The following NEMP2 variants were observed in gnomAD, a reference collection of about 807,000 sequenced individuals.
NEMP2 encodes nuclear envelope integral membrane protein 2.
NEMP2 carries 53 observed loss-of-function variants against 54.2 expected under a neutral mutation model. The observed-to-expected ratio is 0.98, with a 90% CI of 0.78 to 1.23. The LOEUF (loss-of-function observed/expected upper bound fraction) is 1.23. Among genes scored for constraint, NEMP2 ranks in the 50% most tolerant of loss-of-function variants. NEMP2 has a pLI of 0.00. For synonymous variants in NEMP2, 197 were observed against 190.3 expected, an observed-to-expected ratio of 1.04 and a Z score of -0.29; for missense variants, 455 against 511.3, an observed-to-expected ratio of 0.89 and a Z score of 1.06.
At chr2:190,474,488 CACAA>C in the NEMP2 span, among the ~76,000 whole-genome samples, 399 of 152,316 alleles carry the variant, frequency 2.6e-3, no homozygotes, top group Non-Finnish European at 4.8e-3. Context: ...AATTCCTTGA[CACAA>C]ACAACCTCCC....
At chr2:190,569,555 C>G in the NEMP2 span, among the ~76,000 whole-genome samples, 5,861 of 152,260 alleles carry the variant, frequency 0.038, 174 homozygotes, top group Non-Finnish European at 0.064. Flanking sequence ...CATTTGGAAG[C>G]TCTTGGTAGA....
At chr2:190,593,743 T>C in the NEMP2 span, among the ~76,000 whole-genome samples, 133 of 152,282 alleles carry the variant, frequency 8.7e-4, no homozygotes, top group African/African-American at 3.0e-3. This position sits in a 1 kb window ranked among gnomAD's most constrained non-coding sequence, Gnocchi z 4.5. Flanking sequence ...TAATGGAAGA[T>C]TGGAACTTCC....
At chr2:190,453,055 T>C in the NEMP2 span, among the ~76,000 whole-genome samples, 1 of 152,150 alleles carries the variant, frequency 6.6e-6, no homozygotes, top group Non-Finnish European at 1.5e-5. Context: ...GGAGCTCATG[T>C]TCTGTTGGAG....
the NEMP2 span, among the ~76,000 whole-genome samples, chr2:190,565,173 C>A: frequency 6.6e-6 from 1 of 151,544 alleles, no homozygotes; most frequent in African/African-American, 2.4e-5. Context: ...TTTTTTTAAT[C>A]AAGAGACACC....
rs934165170 is a variant in NEMP2 at position 190,514,626 on chromosome 2, C to T, written c.780G>A (p.Gly260=). The T allele has an allele frequency of 6.4e-7, 1 of 1,551,634 alleles. No homozygotes were observed. The highest frequency in any genetic ancestry group is 8.7e-7 in the Non-Finnish European group (1 of 1,146,982). The change falls in exon 7 of 9, where the codon GGG becomes GGA. Residue 260 remains glycine, a synonymous_variant. Transcript: ENST00000409150. This position sits in a 1 kb window ranked among gnomAD's most constrained non-coding sequence, Gnocchi z 5.7. ...FFSFVVCYKH[G]PLADDRSRSL... Reference sequence around the variant, plus strand: ...TTCTGCTCCTGTCGTCTGCAAGGGGCCCATGCTTGTAACAAACAACAAAGC... The same window carrying T: ...TTCTGCTCCTGTCGTCTGCAAGGGGTCCATGCTTGTAACAAACAACAAAGC...
At chr2:190,451,163 A>C in the NEMP2 span, among the ~76,000 whole-genome samples, 1 of 152,176 alleles carries the variant, frequency 6.6e-6, no homozygotes, top group African/African-American at 2.4e-5. This position sits in a 1 kb window ranked among gnomAD's most constrained non-coding sequence, Gnocchi z 5.0. Flanking sequence ...GTGTGTGTAT[A>C]TGTACATGTG....
chr2:190,544,242 C>G, the NEMP2 span, among the ~76,000 whole-genome samples: 2 of 152,076 alleles, frequency 1.3e-5, no homozygotes, highest in Non-Finnish European at 2.9e-5. Flanking sequence ...TAGCATATTT[C>G]ATTTAGAAAA....
chr2:190,646,007 A>C, the NEMP2 span, among the ~76,000 whole-genome samples: 1 of 152,240 alleles, frequency 6.6e-6, no homozygotes, highest in Non-Finnish European at 1.5e-5. Context: ...TCCAGCCCTA[A>C]ACCTGGCACA....
Position 190,519,836 on chromosome 2 carries a change from A to T in NEMP2, c.214-653T>A, listed in dbSNP as rs1690693142. Among the ~76,000 whole-genome samples, 1 of 152,252 alleles carries T rather than the reference A, an allele frequency of 6.6e-6. No individual in the cohort carries two copies. On this transcript the variant is annotated intron_variant, in intron 2 of 8. Coordinates refer to ENST00000409150, the MANE Select transcript of NEMP2 (RefSeq NM_001142645.2). The surrounding 1 kb of genome is among the most constrained non-coding windows in gnomAD (Gnocchi z 5.4). The stretch of plus-strand genomic sequence containing the variant: ...TTTTACATCACTGTGCTTTGCAGAT[A>T]GTGCATTTCTTACAAACGGAAGGTT...
chr2:190,477,891 C>G, the NEMP2 span, among the ~76,000 whole-genome samples: 1 of 152,158 alleles, frequency 6.6e-6, no homozygotes, highest in Non-Finnish European at 1.5e-5. Flanking sequence ...AAGCTAGATT[C>G]TGAAGGGCGA....
intron 4 of NEMP2, 60 bp downstream of exon 4, chr2:190,518,676 C>A: frequency 7.4e-7 from 1 of 1,344,052 alleles, no homozygotes; most frequent in South Asian, 1.4e-5. Flanking sequence ...AGCATGTGGT[C>A]AAAAATGATC....
the NEMP2 span, chr2:190,625,838 G>A: frequency 6.6e-6 from 1 of 152,154 alleles, no homozygotes; most frequent in Admixed American, 6.5e-5. Context: ...TAGATTTAGA[G>A]AGGAAATCAT....
At chr2:190,625,655 A>G in the NEMP2 span, 2 of 152,226 alleles carry the variant, frequency 1.3e-5, no homozygotes, top group Non-Finnish European at 2.9e-5. Context: ...GCTATCTATG[A>G]TGCTTTAGGC....
At chr2:190,485,028 T>C in the NEMP2 span, among the ~76,000 whole-genome samples, 1 of 152,192 alleles carries the variant, frequency 6.6e-6, no homozygotes, top group African/African-American at 2.4e-5. The surrounding 1 kb of genome is among the most constrained non-coding windows in gnomAD (Gnocchi z 5.1). Flanking sequence ...AAACTAGAAG[T>C]CTAACTGTGG....
chr2:190,486,075 T>G, the NEMP2 span, among the ~76,000 whole-genome samples: 1 of 152,252 alleles, frequency 6.6e-6, no homozygotes, highest in Non-Finnish European at 1.5e-5. Context: ...GCTAAGTTAC[T>G]TGGAAATAGT....
At position 190,512,687 on chromosome 2, in the gene NEMP2, G is replaced by C. The variant is rs1690409375; in HGVS notation, c.953+1766C>G. 6.6e-6 allele frequency among the ~76,000 whole-genome samples: 1 copy of C among 152,224 alleles called. No individual in the cohort carries two copies. Among genetic ancestry groups the C allele is most frequent in the Non-Finnish European group, 1.5e-5 (1 of 68,038 alleles). ...CTATCCTGAGTTCCTCAGGCCACAA[G>C]CCTGGCAAAGGGCCAGGGACCTGGA... On this transcript the variant is annotated intron_variant, in intron 7 of 8. Transcript: ENST00000409150. This position sits in a 1 kb window ranked among gnomAD's most constrained non-coding sequence, Gnocchi z 4.5.
chr2:190,542,323 T>C, the NEMP2 span, among the ~76,000 whole-genome samples: 3 of 152,172 alleles, frequency 2.0e-5, no homozygotes, highest in East Asian at 5.8e-4. The surrounding 1 kb of genome is among the most constrained non-coding windows in gnomAD (Gnocchi z 4.6). Flanking sequence ...GCAATTCTTT[T>C]GCCTCAGCCT....
intron 5 of NEMP2, 78 bp from the exon 6 acceptor site, chr2:190,516,462 T>G: frequency 9.2e-7 from 1 of 1,091,058 alleles, no homozygotes; most frequent in South Asian, 1.5e-5. Context: ...AAATAAACCT[T>G]TTGTATTAGA....
the NEMP2 span, among the ~76,000 whole-genome samples, chr2:190,633,818 C>T: frequency 7.9e-5 from 12 of 152,280 alleles, no homozygotes; most frequent in Admixed American, 2.0e-4. Flanking sequence ...CACCTGTAAT[C>T]CCAGTGACTC....
Sources: allele counts gnomAD v4.1 joint callset (sites outside exome capture counted in the v4.1 genomes callset), GRCh38; gene constraint gnomAD v4.1.1; non-coding constraint Gnocchi (gnomAD v3.1); transcripts MANE v1.5; gene names NCBI Gene and HGNC (gene_info 2026-07-23, HGNC 2026-07-21).